Variants in MDGA2 observed in about 807,000 individuals in gnomAD.
MDGA2 encodes the protein MAM domain containing glycosylphosphatidylinositol anchor 2.
Under a neutral mutation model 117.8 loss-of-function variants are expected in MDGA2, and 40 were observed. That is an observed-to-expected ratio of 0.34 (90% confidence interval 0.26 to 0.44). The LOEUF is 0.44. MDGA2 is among the 20% of genes least tolerant of loss of function. MDGA2 has a pLI of 1.00. For missense variants in MDGA2, 1,123 were observed against 1,250.6 expected, an observed-to-expected ratio of 0.90 and a Z score of 1.54; for synonymous variants, 452 against 439.0, an observed-to-expected ratio of 1.03 and a Z score of -0.37.
intron 1 of MDGA2, among the ~76,000 whole-genome samples, chr14:47,637,973 C>T (rs1897354129): frequency 6.6e-6 from 1 of 152,148 alleles, no homozygotes; most frequent in Admixed American, 6.6e-5. Context: ...TCTCCTTTGC[C>T]ACCATCATTC....
chr14:47,493,657 ATAT>A (rs1894219919), intron 1 of MDGA2, among the ~76,000 whole-genome samples: 1 of 152,086 alleles, frequency 6.6e-6, no homozygotes. Flanking sequence ...TGTTTGAATA[ATAT>A]TATTTCCCAA....
intron 1 of MDGA2, among the ~76,000 whole-genome samples, chr14:47,618,242 G>A (rs1594946205): frequency 6.6e-6 from 1 of 152,168 alleles, no homozygotes; most frequent in Non-Finnish European, 1.5e-5. Context: ...ATATCATTCC[G>A]ATGCCTATAA....
intron 3 of MDGA2, among the ~76,000 whole-genome samples, chr14:47,176,615 T>C (rs1884461794): frequency 6.6e-6 from 1 of 152,242 alleles, no homozygotes; most frequent in South Asian, 2.1e-4. Context: ...AAGCTGAAAC[T>C]GGATCCCTTC....
intron 3 of MDGA2, chr14:47,200,522 T>C (rs1482754883): frequency 6.4e-6 from 4 of 629,822 alleles, no homozygotes; most frequent in Admixed American, 3.6e-5. Context: ...TTTTCTTTTT[T>C]CTTTTTCTTT....
At chr14:47,190,184 T>A (rs1315176784) in intron 3 of MDGA2, among the ~76,000 whole-genome samples, 1 of 152,188 alleles carries the variant, frequency 6.6e-6, no homozygotes, top group African/African-American at 2.4e-5. Flanking sequence ...TTCCGTATAG[T>A]TCCTGGACAT....
chr14:47,024,387 G>A (rs1888399129), intron 8 of MDGA2, among the ~76,000 whole-genome samples: 1 of 152,096 alleles, frequency 6.6e-6, no homozygotes, highest in Non-Finnish European at 1.5e-5. Flanking sequence ...TGAAACTGAT[G>A]GGCACAAAGA....
At chr14:47,295,350 C>T (rs1320091109) in intron 2 of MDGA2, among the ~76,000 whole-genome samples, 2 of 152,140 alleles carry the variant, frequency 1.3e-5, no homozygotes, top group African/African-American at 2.4e-5. Context: ...AATTGTATTG[C>T]TATCTGAGAA....
intron 1 of MDGA2, among the ~76,000 whole-genome samples, chr14:47,487,208 T>C (rs960689022): frequency 6.6e-6 from 1 of 152,238 alleles, no homozygotes; most frequent in Non-Finnish European, 1.5e-5. Flanking sequence ...TTTATTCATA[T>C]CTTCCTGATG....
intron 3 of MDGA2, among the ~76,000 whole-genome samples, chr14:47,197,944 AT>A (rs1488405037): frequency 6.6e-6 from 1 of 152,098 alleles, no homozygotes; most frequent in Non-Finnish European, 1.5e-5. Context: ...AAGAAAGCTT[AT>A]ATTATTTTAG....
intron 3 of MDGA2, among the ~76,000 whole-genome samples, chr14:47,175,765 C>G (rs1305907893): frequency 1.4e-5 from 2 of 146,168 alleles, no homozygotes; most frequent in Non-Finnish European, 3.0e-5. Flanking sequence ...TCTCTCACCA[C>G]TCCTATTCAA....
chr14:47,547,022 T>A (rs890918324), intron 1 of MDGA2, among the ~76,000 whole-genome samples: 5 of 152,154 alleles, frequency 3.3e-5, no homozygotes, highest in Non-Finnish European at 5.9e-5. Flanking sequence ...TTAAAAAAAA[T>A]TATCCCCAGT....
chr14:47,240,429 A>G (rs561236438), intron 2 of MDGA2, among the ~76,000 whole-genome samples: 1 of 152,048 alleles, frequency 6.6e-6, no homozygotes, highest in African/African-American at 2.4e-5. Flanking sequence ...AGTTATGAAC[A>G]TTCAATAAAA....
intron 10 of MDGA2, among the ~76,000 whole-genome samples, chr14:46,912,094 A>G (rs1349302817): frequency 6.6e-6 from 1 of 152,126 alleles, no homozygotes; most frequent in Non-Finnish European, 1.5e-5. Flanking sequence ...AGAATATGCA[A>G]TCTCCATACA....
intron 10 of MDGA2, among the ~76,000 whole-genome samples, chr14:46,909,143 G>T (rs915660677): frequency 6.6e-6 from 1 of 152,092 alleles, no homozygotes; most frequent in Non-Finnish European, 1.5e-5. Flanking sequence ...CCTATCTCAT[G>T]TACACATAAT....
At chr14:47,639,799 C>A (rs1897389773) in intron 1 of MDGA2, among the ~76,000 whole-genome samples, 1 of 152,088 alleles carries the variant, frequency 6.6e-6, no homozygotes, top group Admixed American at 6.6e-5. Context: ...TATAAGACTC[C>A]ACATGTGCCT....
intron 6 of MDGA2, among the ~76,000 whole-genome samples, chr14:47,081,925 T>A (rs965057428): frequency 1.3e-5 from 2 of 152,140 alleles, no homozygotes; most frequent in Non-Finnish European, 2.9e-5. Flanking sequence ...CAGATTAAAG[T>A]CTTTTCATAT....
chr14:47,121,166 G>A (rs984931761), intron 5 of MDGA2, among the ~76,000 whole-genome samples: 4 of 151,986 alleles, frequency 2.6e-5, no homozygotes, highest in African/African-American at 2.4e-5. Flanking sequence ...TCCTATAAGC[G>A]TTCTTTGGTG....
intron 3 of MDGA2, among the ~76,000 whole-genome samples, chr14:47,174,153 C>G (rs926366773): frequency 1.3e-5 from 2 of 152,040 alleles, no homozygotes; most frequent in Non-Finnish European, 2.9e-5. Context: ...TAAAGCAAGT[C>G]CTGAGTGACC....
chr14:47,127,056 G>A (rs1453158109), intron 5 of MDGA2, among the ~76,000 whole-genome samples: 1 of 152,108 alleles, frequency 6.6e-6, no homozygotes, highest in Admixed American at 6.5e-5. Flanking sequence ...CTAAAGTAAA[G>A]TAAGACTTTT....
Sources: gnomAD v4.1 joint callset for allele counts (sites outside exome capture counted in the v4.1 genomes callset) on GRCh38, gnomAD v4.1.1 for gene constraint, MANE v1.5 for transcripts, NCBI Gene and HGNC (gene_info 2026-07-23, HGNC 2026-07-21) for gene names.